RGS6: variants seen among roughly 807,000 people sequenced by gnomAD.
The protein encoded by RGS6 is regulator of G-protein signaling 6.
A neutral mutation model predicts 78.5 loss-of-function variants in RGS6; 30 were observed. That is an observed-to-expected ratio of 0.38 (90% CI 0.29 to 0.52). The LOEUF (loss-of-function observed/expected upper bound fraction) is 0.52. Among genes scored for constraint, RGS6 ranks in the 20% least tolerant of loss-of-function variants. The probability of loss-of-function intolerance (pLI) is 0.85; values close to 1 mark genes in which losing one functional copy is unlikely to be tolerated. For missense variants in RGS6, 495 were observed against 609.7 expected (o/e 0.81, Z 1.98); for synonymous variants, 206 against 206.0 (o/e 1.00, Z 0.00).
chr14:72,412,647 T>G (rs945228991), intron 3 of RGS6, among the ~76,000 whole-genome samples: 7 of 152,332 alleles, frequency 4.6e-5, no homozygotes, highest in Admixed American at 6.5e-5. Flanking sequence ...CTAGTTCTTT[T>G]AATTGTGATG....
At chr14:72,061,656 A>C (rs2093903077) in intron 2 of RGS6, among the ~76,000 whole-genome samples, 1 of 152,176 alleles carries the variant, frequency 6.6e-6, no homozygotes, top group Non-Finnish European at 1.5e-5. Flanking sequence ...ATAAGCCACT[A>C]GATGCATGAT....
At chr14:71,944,946 G>T (rs776650715) in intron 1 of RGS6, among the ~76,000 whole-genome samples, 10 of 152,148 alleles carry the variant, frequency 6.6e-5, no homozygotes, top group Non-Finnish European at 1.5e-5. Context: ...CAATTGTAGC[G>T]CAGTGGTGTT....
chr14:72,096,639 A>G (rs1315259883), intron 2 of RGS6, among the ~76,000 whole-genome samples: 1 of 152,132 alleles, frequency 6.6e-6, no homozygotes. Context: ...TGGCTCTTAA[A>G]TGGCAGCTGG....
intron 2 of RGS6, among the ~76,000 whole-genome samples, chr14:72,259,685 A>C (rs1031068825): frequency 1.3e-5 from 2 of 151,902 alleles, no homozygotes; most frequent in Non-Finnish European, 2.9e-5. Context: ...AGGCGGGTGG[A>C]TCACGAGGTC....
intron 2 of RGS6, among the ~76,000 whole-genome samples, chr14:72,101,224 G>T (rs74404353): frequency 0.044 from 6,694 of 152,276 alleles, 195 homozygotes; most frequent in Middle Eastern, 0.068. Context: ...ATTCTAATTT[G>T]TGGCCAGGTC....
chr14:72,230,030 A>G (rs371432295), intron 2 of RGS6, among the ~76,000 whole-genome samples: 81 of 152,332 alleles, frequency 5.3e-4, no homozygotes, highest in African/African-American at 1.5e-3. Flanking sequence ...GAATCAACCA[A>G]TGACTCAGCC....
chr14:72,452,386 A>G (rs2095518384), intron 3 of RGS6, among the ~76,000 whole-genome samples: 1 of 152,176 alleles, frequency 6.6e-6, no homozygotes, highest in Non-Finnish European at 1.5e-5. Context: ...GCAAAATTGC[A>G]AGGCTGTGTC....
chr14:72,576,257 G>A, the RGS6 span, among the ~76,000 whole-genome samples: 2 of 152,168 alleles, frequency 1.3e-5, no homozygotes, highest in African/African-American at 4.8e-5. Flanking sequence ...TCTCTGTTTG[G>A]CCATGTAATG....
chr14:72,562,339 A>G (rs2097687042), intron 17 of RGS6, 78 bp from the exon 18 acceptor site: 1 of 1,447,418 alleles, frequency 6.9e-7, no homozygotes, highest in Non-Finnish European at 9.6e-7. Flanking sequence ...GCAACAATTA[A>G]TTCACCTGTC....
chr14:71,952,164 AGTG>A (rs1260489402), intron 1 of RGS6, among the ~76,000 whole-genome samples: 1 of 152,156 alleles, frequency 6.6e-6, no homozygotes, highest in Non-Finnish European at 1.5e-5. Context: ...GGTGAATAGA[AGTG>A]GTGATAGTGA....
At chr14:71,868,119 C>A in the RGS6 span, among the ~76,000 whole-genome samples, 1 of 152,178 alleles carries the variant, frequency 6.6e-6, no homozygotes, top group African/African-American at 2.4e-5. Flanking sequence ...TCTCCTCCCA[C>A]CCCAACATCA....
the RGS6 span, among the ~76,000 whole-genome samples, chr14:71,914,074 C>A: frequency 6.6e-6 from 1 of 152,192 alleles, no homozygotes; most frequent in Admixed American, 6.5e-5. Context: ...AGTGTTAGGG[C>A]AGGCTTTGGG....
chr14:72,112,402 G>A (rs1418676434), intron 2 of RGS6, among the ~76,000 whole-genome samples: 17 of 152,160 alleles, frequency 1.1e-4, no homozygotes, highest in Admixed American at 9.8e-4. Context: ...GAGATGCAAC[G>A]CTATGCTCAA....
intron 2 of RGS6, among the ~76,000 whole-genome samples, chr14:72,143,009 G>A (rs2096561013): frequency 6.6e-6 from 1 of 152,130 alleles, no homozygotes. Context: ...CAAGTGGGTA[G>A]CAGGGAAATC....
chr14:72,246,948 A>G (rs1002499429), intron 2 of RGS6, among the ~76,000 whole-genome samples: 22 of 151,768 alleles, frequency 1.4e-4, no homozygotes, highest in African/African-American at 4.8e-4. Context: ...TTTGTTGTGT[A>G]GAGGAGGAGG....
chr14:72,433,869 C>T (rs1032194906), intron 3 of RGS6, among the ~76,000 whole-genome samples: 5 of 152,224 alleles, frequency 3.3e-5, no homozygotes, highest in Non-Finnish European at 7.3e-5. Flanking sequence ...GGTTGCTGTG[C>T]ATACAAATGG....
At chr14:72,154,212 G>T (rs1189679304) in intron 2 of RGS6, among the ~76,000 whole-genome samples, 1 of 152,094 alleles carries the variant, frequency 6.6e-6, no homozygotes, top group African/African-American at 2.4e-5. Context: ...AGACCTTATG[G>T]TTGTCTTCCC....
At chr14:72,517,144 A>T (rs917443205) in intron 14 of RGS6, among the ~76,000 whole-genome samples, 1 of 152,112 alleles carries the variant, frequency 6.6e-6, no homozygotes, top group Admixed American at 6.5e-5. Context: ...CTAAAAAAAA[A>T]AAAAAAAGAA....
At chr14:72,221,292 T>C (rs2046808148) in intron 2 of RGS6, among the ~76,000 whole-genome samples, 1 of 152,198 alleles carries the variant, frequency 6.6e-6, no homozygotes, top group African/African-American at 2.4e-5. Flanking sequence ...TCTTCCTAAC[T>C]AAAAGGGACA....
Sources: gnomAD v4.1 joint callset for allele counts (sites outside exome capture counted in the v4.1 genomes callset) on GRCh38, gnomAD v4.1.1 for gene constraint, MANE v1.5 for transcripts, NCBI Gene and HGNC (gene_info 2026-07-23, HGNC 2026-07-21) for gene names.